TMEM80: variants seen among roughly 807,000 people sequenced by gnomAD.
TMEM80 encodes the protein transmembrane protein 80.
In TMEM80, 16 loss-of-function variants were observed where a neutral mutation model predicts 13.6. The ratio of observed to expected loss-of-function variants is 1.17; its 90% CI spans 0.79 to 1.78. The LOEUF (loss-of-function observed/expected upper bound fraction) is 1.78, where lower values mean the gene tolerates loss of function less well. TMEM80 is among the 40% of genes most tolerant of loss of function. The probability of loss-of-function intolerance (pLI) is 0.00; values close to 1 mark genes in which losing one functional copy is unlikely to be tolerated. For synonymous variants in TMEM80, 92 were observed against 89.5 expected (o/e 1.03, Z -0.16); for missense variants, 167 against 184.6 (o/e 0.90, Z 0.55).
Position 695,827 on chromosome 11 carries a change from G to C in TMEM80, c.-1G>C. On this transcript the variant is annotated 5_prime_UTR_variant, in exon 1 of 5. Coordinates refer to ENST00000397510, the MANE Select transcript of TMEM80 (RefSeq NM_001042463.3). ...ACGGACCGGCGGGCGGGGCGGGTAAGATGGCGGCCCCGCGGCGAGGTGAGC... is the reference window on the plus strand; with the variant it reads ...ACGGACCGGCGGGCGGGGCGGGTAACATGGCGGCCCCGCGGCGAGGTGAGC... 1 of 1,230,980 alleles carries C rather than the reference G, an allele frequency of 8.1e-7. No homozygotes were observed. 76.3% of individuals were successfully genotyped at this position (1,230,980 alleles called of 1,614,324 possible).
intron 4 of TMEM80, 199 bp downstream of exon 4, chr11:700,906 C>G (rs1453823792): frequency 9.7e-6 from 6 of 617,820 alleles, no homozygotes; most frequent in African/African-American, 1.8e-5. Context: ...ACAAATAACA[C>G]TGGGGGCATC....
chr11:699,268 G>A, intron 2 of TMEM80: 1 of 270,426 alleles, frequency 3.7e-6, no homozygotes, highest in Non-Finnish European at 7.2e-6. Context: ...TCTCACCCAG[G>A]CTGGAGTGTG....
chr11:704,411 C>T (rs770046941), downstream of TMEM80: 16 of 1,274,596 alleles, frequency 1.3e-5, no homozygotes, highest in Admixed American at 6.9e-5. Context: ...TGTCCTGGGC[C>T]GACTTCCTTT....
Position 703,422 on chromosome 11 carries a change from C to G in TMEM80, c.*272C>G. The G allele has an allele frequency of 7.6e-7, 1 of 1,310,686 alleles. No homozygotes were observed. Among genetic ancestry groups the G allele is most frequent in the Non-Finnish European group, 9.7e-7 (1 of 1,034,202 alleles). 81.2% of individuals were successfully genotyped at this position (1,310,686 alleles called of 1,614,324 possible). On this transcript the variant is annotated 3_prime_UTR_variant, in exon 5 of 5. Coordinates refer to ENST00000397510, the MANE Select transcript of TMEM80 (RefSeq NM_001042463.3). ...ATGAGTCCCAGGAGCGCACACTCAG[C>G]CCTGTCAGTGGGGTCTGGCTTTAGC...
At chr11:700,105 A>G in intron 2 of TMEM80, 37 bp from the exon 3 acceptor site, 1 of 1,591,004 alleles carries the variant, frequency 6.3e-7, no homozygotes, top group Non-Finnish European at 8.6e-7. Flanking sequence ...GCTGCTCCCA[A>G]GCCTGTTGAG....
At chr11:704,961 G>A, downstream of TMEM80, 1 of 329,792 alleles carries the variant, frequency 3.0e-6, no homozygotes, top group South Asian at 2.4e-5. Context: ...CTGGGTCAGG[G>A]CAAGCTCATG....
chr11:704,853 C>T (rs1456709750), downstream of TMEM80: 4 of 365,940 alleles, frequency 1.1e-5, no homozygotes, highest in Non-Finnish European at 2.1e-5. Flanking sequence ...CAGCTGTCCT[C>T]TCCAGCGCCT....
At chr11:697,100 CAAAA>C (rs71022954) in intron 1 of TMEM80, among the ~76,000 whole-genome samples, 4 of 142,082 alleles carry the variant, frequency 2.8e-5, no homozygotes, top group Non-Finnish European at 6.1e-5. Flanking sequence ...AATTCTGTCT[CAAAA>C]AAAAAAAAAA....
At position 704,003 on chromosome 11, in the gene TMEM80, T is replaced by G; in HGVS notation, c.*853T>G. 8.2e-7 allele frequency: 1 copy of G among 1,218,066 alleles called. No individual in the cohort carries two copies. Among genetic ancestry groups the G allele is most frequent in the Non-Finnish European group, 1.0e-6 (1 of 978,128 alleles). 75.5% of individuals were successfully genotyped at this position (1,218,066 alleles called of 1,614,324 possible). ...TCTCCTTAAAAAGTATCTAAGCTGT[T>G]ACAGTAGCTTTCCCTTCACTTGATT... On this transcript the variant is annotated 3_prime_UTR_variant, in exon 5 of 5. Transcript: ENST00000397510.
At chr11:698,146 TCA>T (rs1861283927) in intron 1 of TMEM80, 2 of 153,238 alleles carry the variant, frequency 1.3e-5, no homozygotes, top group Non-Finnish European at 2.9e-5. Context: ...CGTGCACATA[TCA>T]CACGTGCAAC....
At chr11:700,365 A>C (rs539875971) in intron 3 of TMEM80, 130 bp downstream of exon 3, 9 of 871,764 alleles carry the variant, frequency 1.0e-5, no homozygotes, top group Non-Finnish European at 1.6e-5. Context: ...CATCTCTACT[A>C]AAAACACAAA....
rs7124408 is a variant in TMEM80 at position 703,807 on chromosome 11, G to A, written c.*657G>A. ...CCACACTTCTCCCTTCAGGGGCTTC[G>A]GAGGAGAGGTCAGGGCTAAGGCCGG... On this transcript the variant is annotated 3_prime_UTR_variant, in exon 5 of 5. Coordinates refer to ENST00000397510, the MANE Select transcript of TMEM80 (RefSeq NM_001042463.3). 21,682 of 1,232,984 alleles carry A rather than the reference G, an allele frequency of 0.018. 283 individuals are homozygous for A. The highest frequency in any genetic ancestry group is 0.056 in the African/African-American group (3,598 of 64,548). The allele number at this position is 1,232,984 out of a possible 1,614,324, so 76.4% of individuals were successfully genotyped here.
Position 703,549 on chromosome 11 carries a change from A to G in TMEM80, c.*399A>G. On this transcript the variant is annotated 3_prime_UTR_variant, in exon 5 of 5. Coordinates refer to ENST00000397510, the MANE Select transcript of TMEM80 (RefSeq NM_001042463.3). ...CTCACTGCATCCCCCATCACCCCCT[A>G]GTTCCCCAATGGTCCTAATTTGTGT... 1 of 1,233,872 alleles carries G rather than the reference A, an allele frequency of 8.1e-7. No individual in the cohort carries two copies. The highest frequency in any genetic ancestry group is 1.0e-6 in the Non-Finnish European group (1 of 989,488). The allele number at this position is 1,233,872 out of a possible 1,614,324, so 76.4% of individuals were successfully genotyped here.
At chr11:704,253 C>T (rs1021976820), downstream of TMEM80, 22 of 762,896 alleles carry the variant, frequency 2.9e-5, no homozygotes, top group Non-Finnish European at 3.2e-5. Flanking sequence ...GGCTGCCGGG[C>T]GCCTTCCGCT....
intron 1 of TMEM80, among the ~76,000 whole-genome samples, chr11:697,079 A>G (rs970754483): frequency 1.2e-4 from 17 of 144,316 alleles, no homozygotes; most frequent in Non-Finnish European, 2.4e-4. Context: ...CAGCCTGGGC[A>G]ACAAGAGCGA....
intron 1 of TMEM80, 38 bp downstream of exon 1, chr11:695,884 C>A (rs1273920587): frequency 9.0e-6 from 11 of 1,217,276 alleles, no homozygotes; most frequent in Non-Finnish European, 1.1e-5. Context: ...GGGCTTGCAG[C>A]GGCGGGCGCG....
At position 703,625 on chromosome 11, in the gene TMEM80, C is replaced by T. The variant is rs191156955; in HGVS notation, c.*475C>T. 1,329 of 1,232,732 alleles carry T rather than the reference C, an allele frequency of 1.1e-3. 11 individuals are homozygous for T. Among genetic ancestry groups the T allele is most frequent in the South Asian group, 2.5e-3 (62 of 24,484 alleles). The allele number at this position is 1,232,732 out of a possible 1,614,324, so 76.4% of individuals were successfully genotyped here. Reference sequence around the variant, plus strand: ...CCAGGCCCCACCTGTGTTTCCAAGTCGGGCTGGAGACGCAGGATGGGGTAG... The same window carrying T: ...CCAGGCCCCACCTGTGTTTCCAAGTTGGGCTGGAGACGCAGGATGGGGTAG... On this transcript the variant is annotated 3_prime_UTR_variant, in exon 5 of 5. Coordinates refer to ENST00000397510, the MANE Select transcript of TMEM80 (RefSeq NM_001042463.3).
chr11:696,901 G>A (rs1270695187), intron 1 of TMEM80, among the ~76,000 whole-genome samples: 6 of 151,964 alleles, frequency 3.9e-5, no homozygotes, highest in African/African-American at 1.4e-4. Flanking sequence ...CCAACATGGA[G>A]AAACCCCGTC....
At chr11:699,209 T>C (rs574143758) in intron 2 of TMEM80, 5 of 429,818 alleles carry the variant, frequency 1.2e-5, no homozygotes, top group Non-Finnish European at 2.1e-5. Flanking sequence ...CCTAGATTCA[T>C]TTTATTTTAT....
Sources: gnomAD v4.1 joint callset for allele counts (sites outside exome capture counted in the v4.1 genomes callset) on GRCh38, gnomAD v4.1.1 for gene constraint, MANE v1.5 for transcripts, NCBI Gene and HGNC (gene_info 2026-07-23, HGNC 2026-07-21) for gene names.